Variants in ACTR3C observed in about 807,000 individuals in gnomAD.
ACTR3C encodes the protein actin-related protein 3C.
A neutral mutation model predicts 26.3 loss-of-function variants in ACTR3C; 18 were observed. The observed-to-expected ratio is 0.68, with a 90% confidence interval of 0.47 to 1.01. The LOEUF is 1.01. Among genes scored for constraint, ACTR3C ranks in the 50% least tolerant of loss-of-function variants. The pLI, the probability that ACTR3C is intolerant of heterozygous loss-of-function variation, is 0.00. For missense variants in ACTR3C, 184 were observed against 250.7 expected, an observed-to-expected ratio of 0.73 and a Z score of 1.80; for synonymous variants, 55 against 94.5, an observed-to-expected ratio of 0.58 and a Z score of 2.42.
chr7:150,088,525 G>C, the ACTR3C span, among the ~76,000 whole-genome samples: 1 of 152,182 alleles, frequency 6.6e-6, no homozygotes, highest in Admixed American at 6.5e-5. Flanking sequence ...GGCTCTAATA[G>C]TGTCTTCTTT....
intron 6 of ACTR3C, among the ~76,000 whole-genome samples, chr7:150,270,776 TTC>T (rs771552208): frequency 1.3e-5 from 2 of 151,554 alleles, no homozygotes; most frequent in African/African-American, 2.4e-5. Context: ...TGGCCCTGGT[TTC>T]TCTCTTTCCT....
chr7:150,100,879 A>G, the ACTR3C span, among the ~76,000 whole-genome samples: 1 of 151,308 alleles, frequency 6.6e-6, no homozygotes, highest in East Asian at 1.9e-4. Flanking sequence ...TAATTTTTGT[A>G]TTTCTAGTAG....
chr7:150,087,405 T>C, the ACTR3C span, among the ~76,000 whole-genome samples: 1 of 152,184 alleles, frequency 6.6e-6, no homozygotes, highest in Non-Finnish European at 1.5e-5. Context: ...GCTTCCTCTC[T>C]CACTATAAAC....
the ACTR3C span, among the ~76,000 whole-genome samples, chr7:150,042,772 G>A: frequency 1.3e-5 from 2 of 151,536 alleles, no homozygotes; most frequent in Non-Finnish European, 2.9e-5. Context: ...AACCTGTCTA[G>A]TTGTTTAGAG....
At chr7:150,121,739 T>G in the ACTR3C span, among the ~76,000 whole-genome samples, 1 of 151,220 alleles carries the variant, frequency 6.6e-6, no homozygotes, top group African/African-American at 2.4e-5. Context: ...CTACTTTAAA[T>G]TTCATATGGA....
At chr7:150,136,625 G>C in the ACTR3C span, among the ~76,000 whole-genome samples, 24 of 152,118 alleles carry the variant, frequency 1.6e-4, no homozygotes, top group African/African-American at 5.5e-4. Context: ...AGCTGAGATC[G>C]CACCACTGCA....
chr7:150,314,312 G>T (rs1044871062), intron 1 of ACTR3C, among the ~76,000 whole-genome samples: 1 of 152,194 alleles, frequency 6.6e-6, no homozygotes, highest in Non-Finnish European at 1.5e-5. Context: ...AAGGATTCTT[G>T]AACTATTTAA....
chr7:150,160,702 A>G, the ACTR3C span, among the ~76,000 whole-genome samples: 2 of 151,886 alleles, frequency 1.3e-5, no homozygotes, highest in Non-Finnish European at 2.9e-5. Flanking sequence ...TCATCCCTGA[A>G]TTGCAGGAGC....
chr7:150,037,482 T>TCCCC, the ACTR3C span, among the ~76,000 whole-genome samples: 2 of 39,082 alleles, frequency 5.1e-5, no homozygotes, highest in Non-Finnish European at 5.4e-5. Context: ...GCGATGGGGG[T>TCCCC]AGCAACAGCC....
the ACTR3C span, among the ~76,000 whole-genome samples, chr7:149,913,191 C>T: frequency 6.6e-6 from 1 of 151,974 alleles, no homozygotes; most frequent in Non-Finnish European, 1.5e-5. Flanking sequence ...ACTGGCCTGC[C>T]CCATTAGAGA....
At chr7:149,973,764 G>T in the ACTR3C span, among the ~76,000 whole-genome samples, 1 of 151,726 alleles carries the variant, frequency 6.6e-6, no homozygotes, top group African/African-American at 2.4e-5. Context: ...TGTCTTGCCA[G>T]TCCAGGTGTC....
the ACTR3C span, among the ~76,000 whole-genome samples, chr7:149,995,092 T>G: frequency 6.6e-6 from 1 of 152,148 alleles, no homozygotes; most frequent in African/African-American, 2.4e-5. Context: ...TGACCTCAGG[T>G]GATCCGCCCG....
At chr7:149,936,182 T>C in the ACTR3C span, among the ~76,000 whole-genome samples, 1 of 152,194 alleles carries the variant, frequency 6.6e-6, no homozygotes, top group Non-Finnish European at 1.5e-5. Flanking sequence ...CTCTGTCTTC[T>C]GGAAGTGAGT....
At chr7:150,237,694 C>A in the ACTR3C span, among the ~76,000 whole-genome samples, 3 of 152,128 alleles carry the variant, frequency 2.0e-5, no homozygotes, top group Non-Finnish European at 4.4e-5. Context: ...CTACTCCTAG[C>A]CAATAACGGG....
At chr7:150,109,012 TGCTCCAAACTGGTCCCTTAG>T in the ACTR3C span, among the ~76,000 whole-genome samples, 2 of 151,996 alleles carry the variant, frequency 1.3e-5, no homozygotes, top group African/African-American at 4.8e-5. Flanking sequence ...GATGGCTGCG[TGCTCCAAACTGGTCCCTTAG>T]GCCCTAAATT....
At chr7:150,136,404 T>C in the ACTR3C span, among the ~76,000 whole-genome samples, 1 of 152,192 alleles carries the variant, frequency 6.6e-6, no homozygotes, top group African/African-American at 2.4e-5. Context: ...GCACAGTGGC[T>C]CACGCCTGTA....
At chr7:150,137,581 T>C in the ACTR3C span, among the ~76,000 whole-genome samples, 1 of 152,338 alleles carries the variant, frequency 6.6e-6, no homozygotes, top group Non-Finnish European at 1.5e-5. Context: ...ATATGGTATA[T>C]TCCTTGAAAC....
intron 6 of ACTR3C, among the ~76,000 whole-genome samples, chr7:150,253,184 C>T (rs1175610772): frequency 6.6e-6 from 1 of 152,204 alleles, no homozygotes; most frequent in Non-Finnish European, 1.5e-5. Flanking sequence ...GGAGTCTACA[C>T]AAGAAGATAA....
chr7:150,105,425 A>G, the ACTR3C span, among the ~76,000 whole-genome samples: 2 of 151,910 alleles, frequency 1.3e-5, no homozygotes, highest in African/African-American at 4.8e-5. Flanking sequence ...AACTGTCCTT[A>G]TGTTTCACTA....
Sources: allele counts gnomAD v4.1 joint callset (sites outside exome capture counted in the v4.1 genomes callset), GRCh38; gene constraint gnomAD v4.1.1; transcripts MANE v1.5; gene names NCBI Gene and HGNC (gene_info 2026-07-23, HGNC 2026-07-21).